The following MGAT4C variants were observed in gnomAD, a reference collection of about 807,000 sequenced individuals.
MGAT4C encodes alpha-1,3-mannosyl-glycoprotein 4-beta-N-acetylglucosaminyltransferase C.
In MGAT4C, 19 loss-of-function variants were observed where a neutral mutation model predicts 40.1. That is an observed-to-expected ratio of 0.47 (90% CI 0.33 to 0.70). The LOEUF is 0.70. Ranked by LOEUF, MGAT4C falls within the 30% of genes least tolerant of loss-of-function variation. The pLI, the probability that MGAT4C is intolerant of heterozygous loss-of-function variation, is 0.02. For missense variants in MGAT4C, 491 were observed against 563.2 expected (o/e 0.87, Z 1.30); for synonymous variants, 181 against 187.1 (o/e 0.97, Z 0.27).
At chr12:86,635,771 G>A (rs1054041485) in intron 2 of MGAT4C, among the ~76,000 whole-genome samples, 3 of 151,504 alleles carry the variant, frequency 2.0e-5, no homozygotes, top group Non-Finnish European at 4.4e-5. Context: ...TGAACTCCTG[G>A]GCTCCAGGGA....
chr12:86,660,048 T>C (rs1025765553), intron 2 of MGAT4C, among the ~76,000 whole-genome samples: 12 of 151,930 alleles, frequency 7.9e-5, no homozygotes, highest in African/African-American at 2.7e-4. Context: ...GATAACAAAA[T>C]AAAATAACTT....
At chr12:86,657,209 G>C (rs1565907917) in intron 2 of MGAT4C, among the ~76,000 whole-genome samples, 1 of 151,972 alleles carries the variant, frequency 6.6e-6, no homozygotes, top group Non-Finnish European at 1.5e-5. Context: ...AAGTGGAAAA[G>C]TCTAAAAGGA....
chr12:86,686,978 T>C (rs183978626), intron 2 of MGAT4C, among the ~76,000 whole-genome samples: 4 of 152,176 alleles, frequency 2.6e-5, no homozygotes, highest in East Asian at 1.9e-4. Context: ...CTTTTTGTTG[T>C]TGTTGTTGTT....
At chr12:85,989,295 A>G (rs1885610581) in intron 3 of MGAT4C, 105 bp downstream of exon 3, 1 of 1,121,122 alleles carries the variant, frequency 8.9e-7, no homozygotes, top group African/African-American at 1.6e-5. Flanking sequence ...GCTCAAACTA[A>G]GTCTTCTCCA....
chr12:86,083,226 T>C (rs946819479), intron 1 of MGAT4C, among the ~76,000 whole-genome samples: 1 of 152,092 alleles, frequency 6.6e-6, no homozygotes, highest in Non-Finnish European at 1.5e-5. Context: ...CATAGGGGCA[T>C]TGACTTACTC....
intron 3 of MGAT4C, among the ~76,000 whole-genome samples, chr12:86,382,716 GCTGCTCCAGCCAGGGCTGAAAGGGGCAGA>G (rs1474329619): frequency 6.6e-6 from 1 of 152,210 alleles, no homozygotes; most frequent in East Asian, 1.9e-4. Context: ...CTGCATCCTA[GCTGCTCCAGCCAGGGCTGAAAGGGGCAGA>G]CATAGAGCTT....
intron 1 of MGAT4C, among the ~76,000 whole-genome samples, chr12:86,096,126 G>T (rs1451775876): frequency 1.3e-5 from 2 of 151,606 alleles, no homozygotes; most frequent in Non-Finnish European, 3.0e-5. Context: ...AGAAATGTTT[G>T]CTGTCAAAGA....
intron 1 of MGAT4C, among the ~76,000 whole-genome samples, chr12:86,167,363 G>T (rs1443947143): frequency 6.6e-6 from 1 of 152,158 alleles, no homozygotes; most frequent in African/African-American, 2.4e-5. Context: ...GATGTAGATG[G>T]TGGTTAATAA....
intron 1 of MGAT4C, among the ~76,000 whole-genome samples, chr12:86,245,336 CCCT>C: frequency 6.6e-6 from 1 of 152,172 alleles, no homozygotes. Flanking sequence ...TAAGGTTCTG[CCCT>C]TCTAGGCTTC....
chr12:86,003,540 G>C (rs1887561735), intron 2 of MGAT4C, among the ~76,000 whole-genome samples: 1 of 152,152 alleles, frequency 6.6e-6, no homozygotes, highest in African/African-American at 2.4e-5. Context: ...TGCCTAACAT[G>C]ATGATGTTAA....
chr12:86,000,134 G>A lies in MGAT4C; in HGVS notation c.-6-10582C>T, dbSNP rs538358951. On this transcript the variant is annotated intron_variant, in intron 2 of 4. Coordinates refer to ENST00000611864, the MANE Select transcript of MGAT4C (RefSeq NM_001351288.2). ...GTACCACACAAATATGTAAAATTGTGTCAATTATAAATACAAATAATTTTA... is the reference window on the plus strand; with the variant it reads ...GTACCACACAAATATGTAAAATTGTATCAATTATAAATACAAATAATTTTA... 2.0e-5 allele frequency among the ~76,000 whole-genome samples: 3 copies of A among 152,116 alleles called. No individual in the cohort carries two copies. The East Asian group carries it at 5.8e-4, about 29-fold the overall frequency.
chr12:86,662,283 A>G (rs1352060450), intron 2 of MGAT4C, among the ~76,000 whole-genome samples: 1 of 152,346 alleles, frequency 6.6e-6, no homozygotes, highest in East Asian at 1.9e-4. Context: ...GGAGGAAAAA[A>G]GAATTAAAAC....
At chr12:86,512,379 G>A (rs1431984033) in intron 2 of MGAT4C, among the ~76,000 whole-genome samples, 1 of 152,012 alleles carries the variant, frequency 6.6e-6, no homozygotes, top group East Asian at 1.9e-4. Context: ...AAATATAACT[G>A]CCATATGATC....
intron 2 of MGAT4C, among the ~76,000 whole-genome samples, chr12:86,684,772 C>T (rs988618155): frequency 3.9e-5 from 6 of 151,912 alleles, no homozygotes; most frequent in Non-Finnish European, 7.4e-5. Flanking sequence ...TTTCATTTCT[C>T]TAATGACCGA....
In MGAT4C at chr12:85,970,975, T is replaced by C. The variant is rs1474418648; in HGVS notation, c.*8314A>G. 6.6e-6 allele frequency: 1 copy of C among 151,166 alleles called. No individual in the cohort carries two copies. Among genetic ancestry groups the C allele is most frequent in the African/African-American group, 2.4e-5 (1 of 41,342 alleles). The allele number at this position is 151,166 out of a possible 1,614,324, so 9.4% of individuals were successfully genotyped here. ...AAATGAAAAAGTGGTATGAGGACTATTGTTTGTGTTAAGTGAAATTATACC... is the reference window on the plus strand; with the variant it reads ...AAATGAAAAAGTGGTATGAGGACTACTGTTTGTGTTAAGTGAAATTATACC... On this transcript the variant is annotated 3_prime_UTR_variant, in exon 5 of 5. Coordinates refer to ENST00000611864, the MANE Select transcript of MGAT4C (RefSeq NM_001351288.2).
chr12:86,316,709 G>A (rs1954242683), intron 4 of MGAT4C, among the ~76,000 whole-genome samples: 1 of 152,282 alleles, frequency 6.6e-6, no homozygotes. Context: ...GGGACTATTG[G>A]TGGGGAGGGA....
rs1417414829 is a variant in MGAT4C, at chr12:86,782,329, C to G, written c.-261-55088G>C. Among the ~76,000 whole-genome samples the G allele has an allele frequency of 5.9e-5, 9 of 151,676 alleles. No homozygotes were observed. The East Asian group carries it at 1.8e-3, about 30-fold the overall frequency. ...CCCAAGTAGCTGGGACTACAGGCGC[C>G]CGCCACTACGCCCGGCTAATTTTTT... On this transcript the variant is annotated intron_variant, in intron 1 of 7. Coordinates refer to the MGAT4C transcript ENST00000548651.
intron 4 of MGAT4C, among the ~76,000 whole-genome samples, chr12:86,331,689 G>A (rs1954672741): frequency 6.6e-6 from 1 of 152,106 alleles, no homozygotes; most frequent in Non-Finnish European, 1.5e-5. Context: ...CATTCCTGGT[G>A]GTTGGTAGGG....
At chr12:86,755,106 T>C (rs769788205) in intron 1 of MGAT4C, among the ~76,000 whole-genome samples, 1 of 152,154 alleles carries the variant, frequency 6.6e-6, no homozygotes, top group Admixed American at 6.6e-5. Flanking sequence ...TCAGTTGACT[T>C]TAACATGGTT....
Sources: allele counts gnomAD v4.1 joint callset (sites outside exome capture counted in the v4.1 genomes callset), GRCh38; gene constraint gnomAD v4.1.1; transcripts MANE v1.5; gene names NCBI Gene and HGNC (gene_info 2026-07-23, HGNC 2026-07-21).